The following ANO2 variants were observed in gnomAD, a reference collection of about 807,000 sequenced individuals.
ANO2 encodes anoctamin-2.
ANO2 carries 101 observed loss-of-function variants against 124.2 expected under a neutral mutation model. The observed-to-expected ratio is 0.81, with a 90% CI of 0.69 to 0.96. ANO2 has a LOEUF of 0.96. Ranked by LOEUF, ANO2 falls within the 40% of genes least tolerant of loss-of-function variation. The pLI is 0.00. For synonymous variants in ANO2, 486 were observed against 482.5 expected (o/e 1.01, Z -0.09); for missense variants, 1,293 against 1,274.5 (o/e 1.01, Z -0.22).
At chr12:5,918,534 G>A (rs770290890) in intron 3 of ANO2, among the ~76,000 whole-genome samples, 1 of 151,834 alleles carries the variant, frequency 6.6e-6, no homozygotes, top group Non-Finnish European at 1.5e-5. Flanking sequence ...CCACCTCCCG[G>A]GTTCAAGCGA....
intron 4 of ANO2, chr12:5,852,086 A>C: frequency 1.5e-6 from 1 of 678,758 alleles, no homozygotes; most frequent in South Asian, 1.6e-5. Context: ...AGTTAGAAGG[A>C]AGACAGAAGA....
chr12:5,607,812 C>A (rs892590832), intron 19 of ANO2, among the ~76,000 whole-genome samples: 2 of 152,228 alleles, frequency 1.3e-5, no homozygotes, highest in Non-Finnish European at 2.9e-5. Flanking sequence ...TGTCTCCCGT[C>A]ACCCCCAGAT....
chr12:5,615,392 TCCTTC>T, intron 16 of ANO2, 95 bp from the exon 17 acceptor site: 1 of 872,566 alleles, frequency 1.1e-6, no homozygotes, highest in Non-Finnish European at 1.8e-6. Flanking sequence ...CTCAGCTGAC[TCCTTC>T]ACAGCAAAAA....
chr12:5,732,789 C>T, intron 13 of ANO2, 159 bp from the exon 14 acceptor site: 1 of 1,595,196 alleles, frequency 6.3e-7, no homozygotes, highest in Non-Finnish European at 8.6e-7. Context: ...ATCTAGACAT[C>T]ACATCCTAAC....
intron 3 of ANO2, among the ~76,000 whole-genome samples, chr12:5,884,073 A>C (rs932660143): frequency 6.6e-6 from 1 of 152,192 alleles, no homozygotes; most frequent in Non-Finnish European, 1.5e-5. Context: ...CTATAGAGGG[A>C]CAGTCTTCCT....
chr12:5,746,178 G>T (rs2137085464), intron 11 of ANO2, among the ~76,000 whole-genome samples: 1 of 152,298 alleles, frequency 6.6e-6, no homozygotes, highest in Middle Eastern at 3.4e-3. Flanking sequence ...ACTAGTCAAT[G>T]CTAAAAGGTC....
At chr12:5,939,987 T>C (rs139942096) in intron 1 of ANO2, among the ~76,000 whole-genome samples, 2 of 152,350 alleles carry the variant, frequency 1.3e-5, no homozygotes, top group African/African-American at 4.8e-5. Flanking sequence ...TCTCCCCAAG[T>C]AGGCTCTCAG....
chr12:5,670,892 T>A (rs1309887721), intron 14 of ANO2, among the ~76,000 whole-genome samples: 1 of 152,170 alleles, frequency 6.6e-6, no homozygotes, highest in East Asian at 1.9e-4. Context: ...TGGGTCTCCA[T>A]GGTCTCACTT....
chr12:5,823,912 C>G (rs1326515553), intron 7 of ANO2, among the ~76,000 whole-genome samples: 2 of 152,224 alleles, frequency 1.3e-5, no homozygotes, highest in Non-Finnish European at 2.9e-5. Flanking sequence ...CCTGCAGGCT[C>G]AACACTACAT....
intron 14 of ANO2, among the ~76,000 whole-genome samples, chr12:5,685,882 T>C (rs1591903683): frequency 1.3e-5 from 2 of 152,246 alleles, no homozygotes; most frequent in Admixed American, 6.5e-5. Flanking sequence ...AGGCTTCTCC[T>C]GCCTGCCTGG....
intron 3 of ANO2, among the ~76,000 whole-genome samples, chr12:5,901,904 G>A (rs530354532): frequency 5.3e-5 from 8 of 152,276 alleles, no homozygotes; most frequent in South Asian, 2.1e-4. Flanking sequence ...ATTAGACTCC[G>A]AGGGGCCAAT....
chr12:5,756,113 C>A (rs1422938521), intron 10 of ANO2, among the ~76,000 whole-genome samples: 1 of 151,790 alleles, frequency 6.6e-6, no homozygotes, highest in Non-Finnish European at 1.5e-5. Context: ...TACAATGATT[C>A]TTTCTTCTGC....
chr12:5,719,197 C>A (rs372468439), intron 14 of ANO2, among the ~76,000 whole-genome samples: 1 of 152,200 alleles, frequency 6.6e-6, no homozygotes, highest in Admixed American at 6.5e-5. Flanking sequence ...CAACTGCCAG[C>A]GCCTTCACTT....
chr12:5,786,272 C>T (rs1030521835), intron 10 of ANO2, among the ~76,000 whole-genome samples: 2 of 152,158 alleles, frequency 1.3e-5, no homozygotes, highest in Non-Finnish European at 2.9e-5. Flanking sequence ...TCTAGAGCAC[C>T]TGGCCTACCC....
chr12:5,867,001 C>G (rs1955444441), intron 3 of ANO2, among the ~76,000 whole-genome samples: 1 of 152,156 alleles, frequency 6.6e-6, no homozygotes. Context: ...CTGGGTTGGT[C>G]TAGGCTGTGA....
At chr12:5,590,470 C>T (rs1199349439) in intron 20 of ANO2, among the ~76,000 whole-genome samples, 1 of 152,172 alleles carries the variant, frequency 6.6e-6, no homozygotes, top group Non-Finnish European at 1.5e-5. Flanking sequence ...ACTCAGAAAA[C>T]AGTCAAGGGT....
In ANO2 at chr12:5,687,789, T is replaced by C. The variant is rs765727320; in HGVS notation, c.1546-39988A>G. 7.2e-4 allele frequency among the ~76,000 whole-genome samples: 109 copies of C among 152,156 alleles called. 1 individual carries two copies. The highest frequency in any genetic ancestry group is 1.5e-3 in the Non-Finnish European group (99 of 68,022). ...GAGGGGACCAGCATGATTACTTCTG[T>C]TCAGTATGTGGGGGAACAAGGCCCA... On this transcript the variant is annotated intron_variant, in intron 14 of 24. Coordinates refer to ENST00000682330, the MANE Select transcript of ANO2 (RefSeq NM_001364791.2).
intron 14 of ANO2, among the ~76,000 whole-genome samples, chr12:5,656,860 T>C (rs1261108304): frequency 2.6e-5 from 4 of 152,214 alleles, no homozygotes; most frequent in Admixed American, 1.3e-4. Context: ...CTGAGGCCAG[T>C]GGCAGGTAGA....
At chr12:5,568,334 G>A (rs1397737287) in intron 23 of ANO2, among the ~76,000 whole-genome samples, 1 of 151,686 alleles carries the variant, frequency 6.6e-6, no homozygotes, top group East Asian at 1.9e-4. Flanking sequence ...GTAGAGACGT[G>A]GTTTCACTGT....
Sources: gnomAD v4.1 joint callset for allele counts (sites outside exome capture counted in the v4.1 genomes callset) on GRCh38, gnomAD v4.1.1 for gene constraint, MANE v1.5 for transcripts, NCBI Gene and HGNC (gene_info 2026-07-23, HGNC 2026-07-21) for gene names.